The following RALYL variants were observed in gnomAD, a reference collection of about 807,000 sequenced individuals.
RALYL encodes the protein RALY RNA binding protein like.
In RALYL, 29 loss-of-function variants were observed where a neutral mutation model predicts 35.1. The ratio of observed to expected loss-of-function variants is 0.83; its 90% CI spans 0.61 to 1.13. The LOEUF (loss-of-function observed/expected upper bound fraction) is 1.13. RALYL is among the 50% of genes most tolerant of loss of function. The pLI, the probability that RALYL is intolerant of heterozygous loss-of-function variation, is 0.00. For synonymous variants in RALYL, 120 were observed against 127.6 expected (o/e 0.94, Z 0.40); for missense variants, 359 against 360.4 (o/e 1.00, Z 0.03).
At chr8:84,495,762 T>C (rs1269202947) in intron 1 of RALYL, among the ~76,000 whole-genome samples, 1 of 152,144 alleles carries the variant, frequency 6.6e-6, no homozygotes, top group Admixed American at 6.6e-5. Context: ...TTCTGCTTAT[T>C]TGTAACCTTT....
chr8:84,258,253 T>A (rs770012901), intron 1 of RALYL, among the ~76,000 whole-genome samples: 2 of 152,150 alleles, frequency 1.3e-5, no homozygotes, highest in Non-Finnish European at 2.9e-5. Context: ...GGTGAGTTTC[T>A]CAGGATTTCA....
intron 2 of RALYL, among the ~76,000 whole-genome samples, chr8:84,544,346 A>T (rs965259877): frequency 1.3e-5 from 2 of 151,910 alleles, no homozygotes; most frequent in African/African-American, 4.8e-5. Flanking sequence ...ATTTTTTTAA[A>T]AATCTAATCT....
intron 1 of RALYL, among the ~76,000 whole-genome samples, chr8:84,315,200 ATATAT>A (rs144517677): frequency 0.013 from 1,910 of 152,302 alleles, 53 homozygotes; most frequent in African/African-American, 0.043. Context: ...TCCATGTAAG[ATATAT>A]TATATATGCA....
At chr8:84,765,005 G>GT (rs1159132228) in intron 2 of RALYL, among the ~76,000 whole-genome samples, 1 of 152,098 alleles carries the variant, frequency 6.6e-6, no homozygotes, top group Non-Finnish European at 1.5e-5. Flanking sequence ...ACATTTGTGG[G>GT]TTTTTTTGTT....
chr8:84,669,351 A>T (rs1049416098), intron 2 of RALYL, among the ~76,000 whole-genome samples: 1 of 150,958 alleles, frequency 6.6e-6, no homozygotes. Context: ...GCTTCTGAGC[A>T]TTTTTTTTTA....
intron 5 of RALYL, among the ~76,000 whole-genome samples, chr8:84,862,072 A>T (rs1019627738): frequency 2.0e-5 from 3 of 152,238 alleles, no homozygotes; most frequent in African/African-American, 7.2e-5. Flanking sequence ...TTCCTCTTGG[A>T]GGTCACACTC....
chr8:84,531,478 C>A (rs1330800341), intron 2 of RALYL, among the ~76,000 whole-genome samples: 1 of 152,088 alleles, frequency 6.6e-6, no homozygotes, highest in Non-Finnish European at 1.5e-5. Flanking sequence ...TGCTTTCCAA[C>A]AGACATTGGT....
chr8:84,493,742 C>T (rs1334013832), intron 1 of RALYL, among the ~76,000 whole-genome samples: 2 of 151,470 alleles, frequency 1.3e-5, no homozygotes, highest in Non-Finnish European at 1.5e-5. Flanking sequence ...CTGTTCATGC[C>T]CTTTGCCCAC....
At chr8:84,408,000 A>G (rs2043722160) in intron 1 of RALYL, among the ~76,000 whole-genome samples, 1 of 152,088 alleles carries the variant, frequency 6.6e-6, no homozygotes, top group African/African-American at 2.4e-5. Context: ...TAACCACTAT[A>G]ACATATCTCA....
intron 1 of RALYL, among the ~76,000 whole-genome samples, chr8:84,498,372 A>G (rs1163551408): frequency 3.9e-5 from 6 of 152,066 alleles, no homozygotes; most frequent in African/African-American, 1.4e-4. Flanking sequence ...TTTATATTCA[A>G]TGCCATTTCC....
At chr8:84,298,568 A>G (rs776476045) in intron 1 of RALYL, among the ~76,000 whole-genome samples, 5 of 152,018 alleles carry the variant, frequency 3.3e-5, no homozygotes, top group Non-Finnish European at 7.4e-5. Flanking sequence ...GCATTTTAGA[A>G]TAGTCTTTTC....
chr8:84,220,253 T>A, intron 1 of RALYL, among the ~76,000 whole-genome samples: 1 of 152,064 alleles, frequency 6.6e-6, no homozygotes, highest in East Asian at 1.9e-4. Flanking sequence ...TACATAAAGG[T>A]ATTTGTACTA....
At chr8:84,337,319 G>T (rs1847977386) in intron 1 of RALYL, among the ~76,000 whole-genome samples, 1 of 150,822 alleles carries the variant, frequency 6.6e-6, no homozygotes. Context: ...TATAGCTTCA[G>T]GAATGAATTG....
intron 7 of RALYL, among the ~76,000 whole-genome samples, chr8:84,884,528 CAT>C (rs1417683218): frequency 2.6e-5 from 4 of 151,826 alleles, no homozygotes; most frequent in Admixed American, 6.6e-5. Context: ...TATACACACA[CAT>C]ATATGTATAT....
chr8:84,476,604 C>G (rs1255359815), intron 1 of RALYL, among the ~76,000 whole-genome samples: 1 of 152,154 alleles, frequency 6.6e-6, no homozygotes, highest in Non-Finnish European at 1.5e-5. Flanking sequence ...CATATTTACT[C>G]TCTCTTCTAA....
At chr8:84,778,994 T>C (rs1404304224) in intron 3 of RALYL, among the ~76,000 whole-genome samples, 2 of 152,216 alleles carry the variant, frequency 1.3e-5, no homozygotes, top group Admixed American at 1.3e-4. Flanking sequence ...TTCATTAAAA[T>C]AGCACTTGCA....
At chr8:84,557,933 A>G (rs574546295) in intron 2 of RALYL, among the ~76,000 whole-genome samples, 6 of 152,350 alleles carry the variant, frequency 3.9e-5, no homozygotes, top group South Asian at 2.1e-4. Flanking sequence ...GTAGAAGTCT[A>G]CAGAACCTGA....
chr8:84,743,109 A>G (rs1807762539), intron 2 of RALYL, among the ~76,000 whole-genome samples: 1 of 152,036 alleles, frequency 6.6e-6, no homozygotes, highest in African/African-American at 2.4e-5. Flanking sequence ...TTATTTTTGC[A>G]GCGCTTCTGA....
intron 1 of RALYL, among the ~76,000 whole-genome samples, chr8:84,301,266 G>A (rs1840726554): frequency 6.6e-6 from 1 of 151,966 alleles, no homozygotes; most frequent in African/African-American, 2.4e-5. Flanking sequence ...GCCCAATGGG[G>A]TTCCCTTTGT....
Sources: gnomAD v4.1 joint callset for allele counts (sites outside exome capture counted in the v4.1 genomes callset) on GRCh38, gnomAD v4.1.1 for gene constraint, MANE v1.5 for transcripts, NCBI Gene and HGNC (gene_info 2026-07-23, HGNC 2026-07-21) for gene names.